VPS13D: variants seen among roughly 807,000 people sequenced by gnomAD.
The protein encoded by VPS13D is vacuolar protein sorting 13 homolog D.
VPS13D carries 187 observed loss-of-function variants against 461.9 expected under a neutral mutation model. The observed-to-expected ratio is 0.40, with a 90% CI of 0.36 to 0.46. VPS13D has a LOEUF of 0.46. Among genes scored for constraint, VPS13D ranks in the 20% least tolerant of loss-of-function variants. VPS13D has a pLI of 0.60. For missense variants in VPS13D, 4,711 were observed against 5,364.9 expected (o/e 0.88, Z 3.81); for synonymous variants, 1,951 against 1,986.3 (o/e 0.98, Z 0.47).
At chr1:12,391,671 T>G (rs930014278) in intron 60 of VPS13D, among the ~76,000 whole-genome samples, 5 of 152,340 alleles carry the variant, frequency 3.3e-5, no homozygotes, top group African/African-American at 1.2e-4. Context: ...CTCTGACTCC[T>G]GACCTCAAGT....
chr1:12,425,436 G>A (rs902354238), intron 65 of VPS13D, among the ~76,000 whole-genome samples: 2 of 152,038 alleles, frequency 1.3e-5, no homozygotes, highest in Non-Finnish European at 2.9e-5. Context: ...GTGCATGCCT[G>A]TAATCCCAGC....
chr1:12,329,460 C>T (rs1265621569), intron 36 of VPS13D, among the ~76,000 whole-genome samples: 1 of 152,156 alleles, frequency 6.6e-6, no homozygotes, highest in Admixed American at 6.5e-5. Flanking sequence ...GATCCACCCA[C>T]CTTGGCCTCT....
At chr1:12,493,360 C>T (rs1645912511) in intron 67 of VPS13D, among the ~76,000 whole-genome samples, 2 of 151,308 alleles carry the variant, frequency 1.3e-5, no homozygotes, top group Non-Finnish European at 1.5e-5. Flanking sequence ...GCGGGCGCCT[C>T]TAATCCCAGC....
Position 12,392,560 on chromosome 1 carries a change from AAAAAG to A in VPS13D, c.11634+6230_11634+6234del, listed in dbSNP as rs1295096195. On this transcript the variant is annotated intron_variant, in intron 60 of 69. Transcript: ENST00000620676. ...GTATAAATGTTAAAAAAAAAAAAAA[AAAAAG>A]AAAGCACACAGTTCAGGATGGGCAG... Among the ~76,000 whole-genome samples, 109 of 151,888 alleles carry A rather than the reference AAAAAG, an allele frequency of 7.2e-4. 2 individuals are homozygous for A. Among genetic ancestry groups the A allele is most frequent in the Admixed American group, 6.7e-3 (103 of 15,278 alleles).
At chr1:12,463,452 G>A (rs1017280123) in intron 67 of VPS13D, among the ~76,000 whole-genome samples, 6 of 152,160 alleles carry the variant, frequency 3.9e-5, no homozygotes, top group African/African-American at 1.2e-4. Context: ...GGAGCTATGC[G>A]TTAGAAGAGA....
chr1:12,496,642 G>A (rs577302777), intron 67 of VPS13D, among the ~76,000 whole-genome samples: 1 of 152,340 alleles, frequency 6.6e-6, no homozygotes, highest in Non-Finnish European at 1.5e-5. Context: ...ACTCTTATCA[G>A]TCATCTGAAA....
rs1440022759 is a variant in VPS13D, at chr1:12,354,029, T to C, written c.9487T>C (p.Phe3163Leu). ...NYPDYMPSNIFSDSAKQIFRQ... is the reference protein window; with the variant it reads ...NYPDYMPSNILSDSAKQIFRQ... ...TCCAGATTATATGCCCTCAAACATA[T>C]TTTCTGACAGTGCAAAACAGATTTT... Residue 3163 changes from phenylalanine to leucine, a missense_variant, in exon 47 of 70, where the codon TTT becomes CTT. By Grantham distance (22) the Phe-to-Leu change is conservative. Around this residue, in one of 3 missense-constraint regions of VPS13D, gnomAD observed 4,411 missense variants for 4,937.8 expected, o/e 0.89. Transcript: ENST00000620676. 1 of 1,614,192 alleles carries C rather than the reference T, an allele frequency of 6.2e-7. No individual in the cohort carries two copies. Among genetic ancestry groups the C allele is most frequent in the East Asian group, 2.2e-5 (1 of 44,884 alleles).
intron 67 of VPS13D, among the ~76,000 whole-genome samples, chr1:12,462,839 T>A (rs536099551): frequency 3.0e-4 from 45 of 152,306 alleles, no homozygotes; most frequent in African/African-American, 1.1e-3. Context: ...CTTAGCCTTA[T>A]CTGGACCTCA....
intron 41 of VPS13D, 24 bp downstream of exon 41, chr1:12,341,909 C>A: frequency 6.2e-7 from 1 of 1,609,562 alleles, no homozygotes; most frequent in Non-Finnish European, 8.5e-7. Context: ...TTATATTACC[C>A]CGAGTCATCT....
At chr1:12,426,164 G>A (rs925104083) in intron 65 of VPS13D, among the ~76,000 whole-genome samples, 6 of 152,070 alleles carry the variant, frequency 3.9e-5, no homozygotes, top group African/African-American at 1.5e-4. Flanking sequence ...TGACTCAAAA[G>A]CATTTGAGTA....
intron 37 of VPS13D, among the ~76,000 whole-genome samples, chr1:12,330,606 C>T (rs1481989390): frequency 2.0e-5 from 3 of 152,088 alleles, no homozygotes; most frequent in Non-Finnish European, 4.4e-5. Flanking sequence ...CTCACTCTGT[C>T]ACCCAGGCTG....
At chr1:12,445,252 T>C (rs1645178308) in intron 65 of VPS13D, among the ~76,000 whole-genome samples, 1 of 152,214 alleles carries the variant, frequency 6.6e-6, no homozygotes, top group East Asian at 1.9e-4. Context: ...GGTTAATTAG[T>C]TCTCTTCTAA....
chr1:12,437,174 A>G (rs538339833), intron 65 of VPS13D, among the ~76,000 whole-genome samples: 28 of 152,268 alleles, frequency 1.8e-4, no homozygotes, highest in African/African-American at 6.5e-4. Flanking sequence ...CAGAGTTACC[A>G]AACTGTTCTT....
chr1:12,381,694 C>T (rs147650478), intron 57 of VPS13D, among the ~76,000 whole-genome samples: 9 of 152,314 alleles, frequency 5.9e-5, no homozygotes, highest in East Asian at 1.9e-4. Context: ...ATAAGGCAGA[C>T]GCCAACCTGT....
chr1:12,458,826 C>CT (rs1645365617), intron 66 of VPS13D, among the ~76,000 whole-genome samples: 1 of 152,220 alleles, frequency 6.6e-6, no homozygotes, highest in Admixed American at 6.5e-5. Context: ...ACTGTGACCT[C>CT]TTCAGCCTCT....
intron 11 of VPS13D, 70 bp downstream of exon 11, chr1:12,260,864 T>C: frequency 1.9e-6 from 3 of 1,609,136 alleles, no homozygotes; most frequent in South Asian, 2.2e-5. Context: ...TTGATGTGCT[T>C]GTGCTCCTGT....
In VPS13D at chr1:12,276,110, T is replaced by C; in HGVS notation, c.2522T>C (p.Ile841Thr). The C allele has an allele frequency of 1.2e-6, 2 of 1,614,120 alleles. No homozygotes were observed. The highest frequency in any genetic ancestry group is 2.2e-5 in the East Asian group (1 of 44,856). Residue 841 changes from isoleucine (I) to threonine (T), a missense_variant, in exon 19 of 70, where the codon ATT becomes ACT. By Grantham distance (89) the Ile-to-Thr change is moderately conservative. Transcript: ENST00000620676. This position sits in a 1 kb window ranked among gnomAD's most constrained non-coding sequence, Gnocchi z 4.5. The part of the protein sequence containing the change: ...VKDNWKHVQD[I>T]DVGPTHVVEK... ...GACAATTGGAAGCATGTCCAGGATA[T>C]TGACGTGGGACCAACACATGTGGTA...
chr1:12,368,326 G>C, intron 52 of VPS13D, 142 bp from the exon 53 acceptor site: 1 of 954,258 alleles, frequency 1.0e-6, no homozygotes, highest in Non-Finnish European at 1.5e-6. Context: ...TCAGATGATG[G>C]AGGAACACAC....
intron 40 of VPS13D, among the ~76,000 whole-genome samples, chr1:12,341,005 G>C (rs569378793): frequency 6.6e-6 from 1 of 152,346 alleles, no homozygotes; most frequent in African/African-American, 2.4e-5. Flanking sequence ...GCACCAGAAA[G>C]CCTGCTTTGG....
Sources: gnomAD v4.1 joint callset for allele counts (sites outside exome capture counted in the v4.1 genomes callset) on GRCh38, gnomAD v4.1.1 for gene constraint, gnomAD v4.1.1 regional missense constraint, Gnocchi (gnomAD v3.1) non-coding constraint, MANE v1.5 for transcripts, NCBI Gene and HGNC (gene_info 2026-07-23, HGNC 2026-07-21) for gene names.